Variants in PPFIA2 observed in about 807,000 individuals in gnomAD.
The protein encoded by PPFIA2 is liprin-alpha-2.
Under a neutral mutation model 175.5 loss-of-function variants are expected in PPFIA2, and 46 were observed. The ratio of observed to expected loss-of-function variants is 0.26; its 90% CI spans 0.21 to 0.34. PPFIA2 has a LOEUF of 0.34. Among genes scored for constraint, PPFIA2 ranks in the 10% least tolerant of loss-of-function variants. The pLI is 1.00. For missense variants in PPFIA2, 1,179 were observed against 1,506.1 expected (o/e 0.78, Z 3.60); for synonymous variants, 568 against 511.4 (o/e 1.11, Z -1.49).
Position 81,471,709 on chromosome 12 carries a change from G to C in PPFIA2, c.304-13843C>G, listed in dbSNP as rs540674208. Among the ~76,000 whole-genome samples, 17 of 151,988 alleles carry C rather than the reference G, an allele frequency of 1.1e-4. No individual in the cohort carries two copies. The South Asian group carries it at 3.3e-3, about 30-fold the overall frequency. On this transcript the variant is annotated intron_variant, in intron 4 of 32. Transcript: ENST00000549396. ...TGCTCATCTTATTTTTAATTTTTTT[G>C]TGAAACCTCCATACTATTTTCCATA...
chr12:81,584,624 G>A (rs2074914206), intron 4 of PPFIA2, among the ~76,000 whole-genome samples: 1 of 150,646 alleles, frequency 6.6e-6, no homozygotes, highest in Non-Finnish European at 1.5e-5. Context: ...TACGCATCTA[G>A]CCTATATGGC....
At chr12:81,551,087 C>G (rs936039584) in intron 4 of PPFIA2, among the ~76,000 whole-genome samples, 2 of 148,326 alleles carry the variant, frequency 1.3e-5, no homozygotes, top group African/African-American at 5.0e-5. Flanking sequence ...CTAGGATAAA[C>G]ACATTACAGT....
chr12:81,514,139 A>T (rs2062121787), intron 4 of PPFIA2, among the ~76,000 whole-genome samples: 1 of 151,950 alleles, frequency 6.6e-6, no homozygotes, highest in Non-Finnish European at 1.5e-5. Context: ...AAATTTATTC[A>T]TTGATTCTGC....
At chr12:81,555,981 T>G (rs958521229) in intron 4 of PPFIA2, among the ~76,000 whole-genome samples, 6 of 151,866 alleles carry the variant, frequency 4.0e-5, no homozygotes, top group African/African-American at 7.2e-5. Flanking sequence ...TCCTCTAAAT[T>G]AAGTGTTAGT....
chr12:81,629,209 A>T (rs1024823448), intron 4 of PPFIA2, among the ~76,000 whole-genome samples: 4 of 152,104 alleles, frequency 2.6e-5, no homozygotes, highest in Non-Finnish European at 5.9e-5. Flanking sequence ...AATATAATCA[A>T]TTACTATAAA....
At chr12:81,363,291 ATTAAT>A (rs1394038606) in intron 14 of PPFIA2, among the ~76,000 whole-genome samples, 4 of 151,198 alleles carry the variant, frequency 2.6e-5, no homozygotes, top group African/African-American at 9.7e-5. Context: ...TAATTAATTA[ATTAAT>A]TTATTTATTT....
At chr12:81,283,906 A>T (rs191556981) in intron 25 of PPFIA2, among the ~76,000 whole-genome samples, 50 of 152,226 alleles carry the variant, frequency 3.3e-4, no homozygotes, top group African/African-American at 1.2e-3. Context: ...TACCAATTTA[A>T]TTTGGTTTAG....
chr12:81,652,547 A>C (rs886780181), intron 4 of PPFIA2, among the ~76,000 whole-genome samples: 2 of 152,066 alleles, frequency 1.3e-5, no homozygotes, highest in African/African-American at 4.8e-5. Context: ...TAAATCAGTT[A>C]TATCAATTAC....
At position 81,369,172 on chromosome 12, in the gene PPFIA2, A is replaced by G; in HGVS notation, c.1289T>C (p.Ile430Thr). The change falls in exon 12 of 33, where the codon ATT (isoleucine) becomes ACT (threonine). Residue 430 changes from isoleucine to threonine, a missense_variant. By Grantham distance (89) the Ile-to-Thr change is moderately conservative. Transcript: ENST00000549396. Reference sequence around the variant, plus strand: ...CTCTAAATGTCTCATACGTTCTTCAATATTTCCATGTCTCTCTTCAGCCTG... The same window carrying G: ...CTCTAAATGTCTCATACGTTCTTCAGTATTTCCATGTCTCTCTTCAGCCTG... ...LTKAEERHGN[I>T]EERMRHLEGQ... 1 of 1,608,974 alleles carries G rather than the reference A, an allele frequency of 6.2e-7. No individual in the cohort carries two copies. Among genetic ancestry groups the G allele is most frequent in the Non-Finnish European group, 8.5e-7 (1 of 1,176,948 alleles).
Position 81,555,004 on chromosome 12 carries a change from CA to C in PPFIA2, c.304-97139del, listed in dbSNP as rs527466202. Among the ~76,000 whole-genome samples the C allele has an allele frequency of 6.4e-3, 975 of 152,004 alleles. 10 individuals are homozygous for C. The highest frequency in any genetic ancestry group is 0.022 in the African/African-American group (917 of 41,494). On this transcript the variant is annotated intron_variant, in intron 4 of 32. Transcript: ENST00000549396. ...AGGATCTCAGAGTACAGTTTGTGAT[CA>C]AATCTCAAAAAAGTTTATTGCATTT...
intron 4 of PPFIA2, among the ~76,000 whole-genome samples, chr12:81,670,240 G>A (rs1434398846): frequency 6.6e-6 from 1 of 151,820 alleles, no homozygotes; most frequent in Non-Finnish European, 1.5e-5. Context: ...ATCTAACCTG[G>A]AAATATAAAT....
At chr12:81,659,896 C>T (rs1255650490) in intron 4 of PPFIA2, among the ~76,000 whole-genome samples, 4 of 152,218 alleles carry the variant, frequency 2.6e-5, no homozygotes, top group African/African-American at 9.6e-5. Flanking sequence ...TTGCTGTTCA[C>T]CAATATTCGA....
intron 5 of PPFIA2, among the ~76,000 whole-genome samples, chr12:81,450,734 T>A (rs1013525358): frequency 7.2e-5 from 11 of 152,202 alleles, no homozygotes; most frequent in African/African-American, 2.2e-4. Context: ...CTGAATGGTA[T>A]TGCCTAGGTT....
chr12:81,414,346 G>A (rs975136690), intron 7 of PPFIA2, among the ~76,000 whole-genome samples: 2 of 151,356 alleles, frequency 1.3e-5, no homozygotes, highest in Non-Finnish European at 3.0e-5. Flanking sequence ...ACATTTAAAA[G>A]GTGTCTTCAT....
rs2060563113 is a variant in PPFIA2 at position 81,501,243 on chromosome 12, C to T, written c.304-43377G>A. On this transcript the variant is annotated intron_variant, in intron 4 of 32. Coordinates refer to ENST00000549396, the MANE Select transcript of PPFIA2 (RefSeq NM_003625.5). ...TTAAGTATGCCAGGATTATTTCTAC[C>T]TCAGGGCCTTTGCACTTGATATTCC... Among the ~76,000 whole-genome samples the T allele has an allele frequency of 2.0e-5, 3 of 152,230 alleles. No individual in the cohort carries two copies. The South Asian group carries it at 6.2e-4, about 32-fold the overall frequency.
chr12:81,512,079 G>T (rs1387881371), intron 4 of PPFIA2, among the ~76,000 whole-genome samples: 3 of 152,006 alleles, frequency 2.0e-5, no homozygotes, highest in Non-Finnish European at 4.4e-5. Context: ...ATCTCTCAAG[G>T]CCTATAGAGA....
chr12:81,484,401 T>C (rs751168385), intron 4 of PPFIA2, among the ~76,000 whole-genome samples: 2 of 151,908 alleles, frequency 1.3e-5, no homozygotes, highest in Admixed American at 6.6e-5. Flanking sequence ...CAAAGTGTTC[T>C]AGGAACACTC....
At chr12:81,742,705 T>C (rs1021458644) in intron 3 of PPFIA2, among the ~76,000 whole-genome samples, 2 of 152,076 alleles carry the variant, frequency 1.3e-5, no homozygotes, top group Admixed American at 1.3e-4. Context: ...ATAGTGTCAA[T>C]AGAGATAGAA....
intron 16 of PPFIA2, among the ~76,000 whole-genome samples, chr12:81,355,817 A>C (rs2060773551): frequency 6.6e-6 from 1 of 152,192 alleles, no homozygotes; most frequent in South Asian, 2.1e-4. Context: ...GCTCTGGGTT[A>C]TGCTTTGGTT....
Sources: gnomAD v4.1 joint callset for allele counts (sites outside exome capture counted in the v4.1 genomes callset) on GRCh38, gnomAD v4.1.1 for gene constraint, MANE v1.5 for transcripts, NCBI Gene and HGNC (gene_info 2026-07-23, HGNC 2026-07-21) for gene names.